PPP1R12C: variants seen among roughly 807,000 people sequenced by gnomAD.
PPP1R12C encodes protein phosphatase 1 regulatory subunit 12C, also known as leukocyte receptor cluster (LRC) encoded novel gene 3.
In PPP1R12C, 48 loss-of-function variants were observed where a neutral mutation model predicts 95.6. That is an observed-to-expected ratio of 0.50 (90% CI 0.40 to 0.64). The LOEUF (loss-of-function observed/expected upper bound fraction) is 0.64. Among genes scored for constraint, PPP1R12C ranks in the 30% least tolerant of loss-of-function variants. PPP1R12C has a pLI of 0.00. For missense variants in PPP1R12C, 1,057 were observed against 1,083.3 expected (o/e 0.98, Z 0.34); for synonymous variants, 480 against 460.8 (o/e 1.04, Z -0.53).
rs555311662 is a variant in PPP1R12C at position 55,105,347 on chromosome 19, G to C, written c.572-1779C>G. On this transcript the variant is annotated intron_variant, in intron 3 of 21. Transcript: ENST00000263433. ...CACAGTCAGCGCCCTCTGCATGTCT[G>C]CTGCACATCCTTCTGCAATTTGCTT... 2.7e-4 allele frequency among the ~76,000 whole-genome samples: 41 copies of C among 152,308 alleles called. No individual in the cohort carries two copies. The South Asian group carries it at 5.6e-3, about 21-fold the overall frequency.
rs775356044 is a variant in PPP1R12C at position 55,094,347 on chromosome 19, G to A, written c.1681C>T (p.Gln561Ter). 1 of 1,612,238 alleles carries A rather than the reference G, an allele frequency of 6.2e-7. No individual in the cohort carries two copies. Among genetic ancestry groups the A allele is most frequent in the Admixed American group, 1.7e-5 (1 of 59,962 alleles). The part of the protein sequence containing the change: ...RLMRQSRRST[Q>*]GVTLTDLKEA... ...CCAGACCCCAGCCCACCCCACACCTGTGTGGACCTCCGAGACTGGCGCATG... is the reference window on the plus strand; with the variant it reads ...CCAGACCCCAGCCCACCCCACACCTATGTGGACCTCCGAGACTGGCGCATG... The change falls in exon 13 of 22, where the codon CAG becomes TAG. Residue 561 changes from glutamine (Q) to a stop codon, truncating the protein, a stop_gained and splice_region_variant. Transcript: ENST00000263433. LOFTEE classifies it high-confidence loss of function.
Position 55,093,132 on chromosome 19 carries a change from G to A in PPP1R12C, c.1764+21C>T, listed in dbSNP as rs1399398615. 4 of 1,613,212 alleles carry A rather than the reference G, an allele frequency of 2.5e-6. No homozygotes were observed. The highest frequency in any genetic ancestry group is 2.2e-5 in the South Asian group (2 of 91,078). ...CAGGACATCCCGCACCACCCCACTCGCCCTCGCTGACCCCTCTCACCAGGC... is the reference window on the plus strand; with the variant it reads ...CAGGACATCCCGCACCACCCCACTCACCCTCGCTGACCCCTCTCACCAGGC... On this transcript the variant is annotated intron_variant, in intron 14 of 21. Coordinates refer to ENST00000263433, the MANE Select transcript of PPP1R12C (RefSeq NM_017607.4).
chr19:55,110,420 G>A lies in PPP1R12C; in HGVS notation c.571+2047C>T, dbSNP rs200466196. ...GAGAGTGTAGCATCAAGGTTGGTGC[G>A]GTGGGTGAGAGTGTAGCATCAAGGT... On this transcript the variant is annotated intron_variant, in intron 3 of 21. Coordinates refer to ENST00000263433, the MANE Select transcript of PPP1R12C (RefSeq NM_017607.4). Among the ~76,000 whole-genome samples, 29 of 144,786 alleles carry A rather than the reference G, an allele frequency of 2.0e-4. 1 individual carries two copies. The highest frequency in any genetic ancestry group is 6.9e-4 in the African/African-American group (27 of 38,996). The allele number at this position is 144,786 out of a possible 152,430, so 95.0% of individuals were successfully genotyped here. A position where few individuals can be genotyped will look rare whatever the true frequency, so the allele number is the denominator to read the frequency against.
In PPP1R12C at chr19:55,093,174, T is replaced by C. The variant is rs1463824256; in HGVS notation, c.1743A>G (p.Ser581=). 3 of 1,613,696 alleles carry C rather than the reference T, an allele frequency of 1.9e-6. No individual in the cohort carries two copies. The highest frequency in any genetic ancestry group is 3.3e-5 in the Admixed American group (2 of 60,002). ...AEKAAGKAPE[S]EKPAQSLDPS... ...TCACCAGGCTCTGCGCCGGCTTCTC[T>C]GACTCTGGGGCCTTCCCTGCAGCCT... The change falls in exon 14 of 22, where the codon TCA becomes TCG. Residue 581 remains serine, a synonymous_variant. Transcript: ENST00000263433.
Position 55,091,528 on chromosome 19 carries a change from G to A in PPP1R12C, c.2293C>T (p.Arg765Cys), listed in dbSNP as rs142871287. The A allele has an allele frequency of 3.8e-5, 61 of 1,613,934 alleles. No individual in the cohort carries two copies. The highest frequency in any genetic ancestry group is 4.7e-5 in the Non-Finnish European group (55 of 1,179,988). The change falls in exon 22 of 22, where the codon CGC (arginine) becomes TGC (cysteine). Residue 765 changes from arginine (R) to cysteine (C), a missense_variant. By Grantham distance (180) the Arg-to-Cys change is radical. This residue lies in a region of PPP1R12C where 347 missense variants were observed against 307.9 expected (regional missense o/e 1.13). Transcript: ENST00000263433. ...ALSDLRADNQRLKDENAALIR... is the reference protein window; with the variant it reads ...ALSDLRADNQCLKDENAALIR... ...AACGCTGCATTCTCATCCTTGAGGC[G>A]CTGGTTGTCAGCGCGGAGGTCAGAC...
Position 55,096,436 on chromosome 19 carries a change from C to A in PPP1R12C, c.952-101G>T, listed in dbSNP as rs957793828. On this transcript the variant is annotated intron_variant, in intron 6 of 21. Coordinates refer to ENST00000263433, the MANE Select transcript of PPP1R12C (RefSeq NM_017607.4). ...TGCAGGAGCTCACTGCCCAGGCGGG[C>A]ACCGAGGGCTCGTGGGCTTACTGGT... 2.0e-5 allele frequency: 28 copies of A among 1,384,428 alleles called. No homozygotes were observed. In the East Asian group the frequency reaches 6.2e-4, roughly 31 times the overall value. 85.8% of individuals were successfully genotyped at this position (1,384,428 alleles called of 1,614,324 possible). A position where few individuals can be genotyped will look rare whatever the true frequency, so the allele number is the denominator to read the frequency against.
At chr19:55,094,843 T>C in intron 11 of PPP1R12C, 45 bp from the exon 12 acceptor site, 1 of 1,552,632 alleles carries the variant, frequency 6.4e-7, no homozygotes, top group Non-Finnish European at 8.7e-7. Context: ...AGGTGCATTG[T>C]GTGCCGGCAC....
rs1274976809 is a variant in PPP1R12C, at chr19:55,103,567, A to T, written c.573T>A (p.Gly191=). The part of the protein sequence containing the change: ...GLLKAEIARR[G]VDVEAAKRAE... Reference sequence around the variant, plus strand: ...CCCGCTTGGCTGCTTCCACATCCACACCTAGGAGGATAAGAGGCACGAGGT... The same window carrying T: ...CCCGCTTGGCTGCTTCCACATCCACTCCTAGGAGGATAAGAGGCACGAGGT... The change falls in exon 4 of 22, where the codon GGT becomes GGA. Residue 191 remains glycine, a splice_region_variant and synonymous_variant. Transcript: ENST00000263433. 13 of 1,568,380 alleles carry T rather than the reference A, an allele frequency of 8.3e-6. No individual in the cohort carries two copies. The highest frequency in any genetic ancestry group is 1.1e-5 in the Non-Finnish European group (13 of 1,148,526).
chr19:55,112,397 A>G (rs2085105668), intron 3 of PPP1R12C, 70 bp downstream of exon 3: 1 of 1,419,890 alleles, frequency 7.0e-7, no homozygotes, highest in African/African-American at 1.4e-5. Flanking sequence ...GGCCGCCTCT[A>G]AAGCTCTCAG....
rs540030322 is a variant in PPP1R12C, at chr19:55,091,573, G to A, written c.2263-15C>T. 1,677 of 1,612,842 alleles carry A rather than the reference G, an allele frequency of 1.0e-3. 26 individuals carry two copies. In the South Asian group the frequency reaches 0.017, roughly 17 times the overall value. ...TCAGACAGGGCCTGGGGGACGGCAA[G>A]GGTCAGCTGGGCAGCCCTGGCGGGT... On this transcript the variant is annotated splice_polypyrimidine_tract_variant and intron_variant, in intron 21 of 21. Coordinates refer to ENST00000263433, the MANE Select transcript of PPP1R12C (RefSeq NM_017607.4).
Position 55,093,044 on chromosome 19 carries a change from C to A in PPP1R12C, c.1797G>T (p.Val599=). 6.3e-7 allele frequency: 1 copy of A among 1,592,136 alleles called. No homozygotes were observed. Among genetic ancestry groups the A allele is most frequent in the Non-Finnish European group, 8.6e-7 (1 of 1,168,362 alleles). The stretch of plus-strand genomic sequence containing the variant: ...TCTGGGCAGGGCTGTCAGAGTTCTC[C>A]ACTCCAGGGACGCGGGGCCTTCGGG... ...DPSRRPRVPG[V]ENSDSPAQRA... The change falls in exon 15 of 22, where the codon GTG becomes GTT. Residue 599 remains valine (V), a synonymous_variant. Coordinates refer to ENST00000263433, the MANE Select transcript of PPP1R12C (RefSeq NM_017607.4).
rs945524125 is a variant in PPP1R12C, at chr19:55,109,532, G to A, written c.571+2935C>T. On this transcript the variant is annotated intron_variant, in intron 3 of 21. Coordinates refer to ENST00000263433, the MANE Select transcript of PPP1R12C (RefSeq NM_017607.4). This position sits in a 1 kb window ranked among gnomAD's most constrained non-coding sequence, Gnocchi z 4.4. ...GGAGGGAGCGGTGGCTCCAGGCCAC[G>A]AGGTGACTGGCTGAGCAGATCACGT... is the stretch of plus-strand genomic sequence containing the variant. Among the ~76,000 whole-genome samples, 2 of 152,236 alleles carry A rather than the reference G, an allele frequency of 1.3e-5. No homozygotes were observed. Among genetic ancestry groups the A allele is most frequent in the African/African-American group, 4.8e-5 (2 of 41,464 alleles).
At chr19:55,112,365 G>A in intron 3 of PPP1R12C, 102 bp downstream of exon 3, 1 of 995,064 alleles carries the variant, frequency 1.0e-6, no homozygotes, top group South Asian at 1.6e-5. Context: ...ATCCTAGGAA[G>A]CAGGGTCAGC....
chr19:55,104,199 T>TATATATATATACACAC (rs34075382), intron 3 of PPP1R12C, among the ~76,000 whole-genome samples: 38 of 120,034 alleles, frequency 3.2e-4, no homozygotes, highest in African/African-American at 1.3e-3. Flanking sequence ...TATATATATA[T>TATATATATATACACAC]ACACACACAC....
Position 55,095,910 on chromosome 19 carries a change from T to C in PPP1R12C, c.1184A>G (p.Asn395Ser), listed in dbSNP as rs771884138. ...GGGGTGCGGCGGGGAGGAGACGCCA[T>C]TGAGGGTTCTGGGTTCTGCAGGGGG... ...EPPPAEPRTL[N>S]GVSSPPHPSP... The change falls in exon 9 of 22, where the codon AAT becomes AGT. Residue 395 changes from asparagine (N) to serine (S), a missense_variant. This residue lies in a region of PPP1R12C where 356 missense variants were observed against 330.5 expected (regional missense o/e 1.08). Coordinates refer to ENST00000263433, the MANE Select transcript of PPP1R12C (RefSeq NM_017607.4). The C allele has an allele frequency of 1.5e-5, 24 of 1,613,254 alleles. No individual in the cohort carries two copies. The Admixed American group carries it at 1.7e-4, about 11-fold the overall frequency.
At chr19:55,112,866 G>A in intron 1 of PPP1R12C, 71 bp from the exon 2 acceptor site, 1 of 1,589,870 alleles carries the variant, frequency 6.3e-7, no homozygotes, top group Non-Finnish European at 8.5e-7. Flanking sequence ...GGACTCCAGA[G>A]GGAGCCACGA....
chr19:55,106,898 G>C (rs1473307737), intron 3 of PPP1R12C, among the ~76,000 whole-genome samples: 1 of 152,218 alleles, frequency 6.6e-6, no homozygotes, highest in African/African-American at 2.4e-5. Flanking sequence ...GGCCCAGTGA[G>C]CATCACGCAC....
chr19:55,101,776 C>T (rs1191107271), intron 4 of PPP1R12C, among the ~76,000 whole-genome samples: 1 of 152,170 alleles, frequency 6.6e-6, no homozygotes, highest in Non-Finnish European at 1.5e-5. Context: ...AGCAACAGAG[C>T]TGGGACTTGG....
At chr19:55,116,476 A>G (rs2085155039) in intron 1 of PPP1R12C, among the ~76,000 whole-genome samples, 1 of 152,020 alleles carries the variant, frequency 6.6e-6, no homozygotes, top group Non-Finnish European at 1.5e-5. Context: ...GGCGGCAGGG[A>G]AGGATCTGGG....
Sources: gnomAD v4.1 joint callset for allele counts (sites outside exome capture counted in the v4.1 genomes callset) on GRCh38, gnomAD v4.1.1 for gene constraint, gnomAD v4.1.1 regional missense constraint, Gnocchi (gnomAD v3.1) non-coding constraint, MANE v1.5 for transcripts, NCBI Gene and HGNC (gene_info 2026-07-23, HGNC 2026-07-21) for gene names.